ZNF738: variants seen among roughly 807,000 people sequenced by gnomAD.
The protein encoded by ZNF738 is protein ZNF738.
ZNF738 carries 10 observed loss-of-function variants against 9.2 expected under a neutral mutation model. The ratio of observed to expected loss-of-function variants is 1.09; its 90% CI spans 0.67 to 1.85. ZNF738 has a LOEUF of 1.85. Among genes scored for constraint, ZNF738 ranks in the 40% most tolerant of loss-of-function variants. ZNF738 has a pLI of 0.00. For missense variants in ZNF738, 346 were observed against 283.6 expected (o/e 1.22, Z -1.58); for synonymous variants, 113 against 94.5 (o/e 1.20, Z -1.14).
At chr19:21,374,397 AC>A (rs1973898941) in intron 2 of ZNF738, among the ~76,000 whole-genome samples, 1 of 152,204 alleles carries the variant, frequency 6.6e-6, no homozygotes, top group East Asian at 1.9e-4. Context: ...TTCAGACTAT[AC>A]TTTTTGGGGG....
At chr19:21,363,763 C>G (rs1044037146) in intron 2 of ZNF738, among the ~76,000 whole-genome samples, 2 of 150,810 alleles carry the variant, frequency 1.3e-5, no homozygotes, top group Non-Finnish European at 2.9e-5. Context: ...GTGATGGGTG[C>G]CTATAATCCA....
chr19:21,361,723 A>C (rs963608360), intron 1 of ZNF738, 43 bp from the exon 2 acceptor site: 1 of 776,684 alleles, frequency 1.3e-6, no homozygotes, highest in Non-Finnish European at 2.4e-6. Context: ...TGTCAGCTAG[A>C]GTGTCTAGTG....
intron 4 of ZNF738, among the ~76,000 whole-genome samples, chr19:21,382,427 C>T (rs1179192748): frequency 5.3e-5 from 8 of 151,736 alleles, no homozygotes; most frequent in South Asian, 2.1e-4. Flanking sequence ...GTAGTAGAGA[C>T]GGAGTTTCAC....
At chr19:21,359,195 C>T (rs1207806890) in intron 1 of ZNF738, 52 bp downstream of exon 1, 3 of 1,048,372 alleles carry the variant, frequency 2.9e-6, no homozygotes, top group Non-Finnish European at 4.5e-6. Flanking sequence ...TGGTTGGAAC[C>T]GGTGGGAAGT....
rs1317449055 is a variant in ZNF738 at position 21,386,860 on chromosome 19, A to G, written c.*3186A>G. The G allele has an allele frequency of 6.4e-6, 1 of 157,452 alleles. No homozygotes were observed. Among genetic ancestry groups the G allele is most frequent in the East Asian group, 1.9e-4 (1 of 5,310 alleles). The allele number at this position is 157,452 out of a possible 1,614,324, so 9.8% of individuals were successfully genotyped here. ...GTAGCTGGGATTACAGGCATGCACC[A>G]CTATACCCATCTAATTTTGTATGTT... On this transcript the variant is annotated 3_prime_UTR_variant, in exon 5 of 5. Coordinates refer to ENST00000683779, the MANE Select transcript of ZNF738 (RefSeq NM_001355237.2).
At chr19:21,382,233 A>G (rs1401842520) in intron 4 of ZNF738, among the ~76,000 whole-genome samples, 1 of 144,704 alleles carries the variant, frequency 6.9e-6, no homozygotes, top group Non-Finnish European at 1.5e-5. Context: ...CCCGGCTGGC[A>G]ATTTACTTCT....
chr19:21,384,177 T>C lies in ZNF738; in HGVS notation c.*503T>C, dbSNP rs868232691. ...AGAGAAACGCTACAAATGTGAGGAATGTGGCAAAGCTTTTAACTGGTACTC... is the reference window on the plus strand; with the variant it reads ...AGAGAAACGCTACAAATGTGAGGAACGTGGCAAAGCTTTTAACTGGTACTC... On this transcript the variant is annotated 3_prime_UTR_variant, in exon 5 of 5. Coordinates refer to ENST00000683779, the MANE Select transcript of ZNF738 (RefSeq NM_001355237.2). The C allele has an allele frequency of 7.0e-7, 1 of 1,435,578 alleles. No homozygotes were observed. The highest frequency in any genetic ancestry group is 9.8e-7 in the Non-Finnish European group (1 of 1,023,264). 88.9% of individuals were successfully genotyped at this position (1,435,578 alleles called of 1,614,324 possible).
chr19:21,378,810 G>C (rs1182081474), intron 4 of ZNF738: 1 of 183,994 alleles, frequency 5.4e-6, no homozygotes, highest in African/African-American at 2.4e-5. Context: ...TGTTGGTCAG[G>C]CTAGTCTCGA....
intron 4 of ZNF738, chr19:21,379,445 G>A (rs1973979818): frequency 6.6e-6 from 1 of 152,086 alleles, no homozygotes; most frequent in Non-Finnish European, 1.5e-5. Flanking sequence ...TTATTTTTTA[G>A]TTAAAGGAAA....
intron 2 of ZNF738, among the ~76,000 whole-genome samples, chr19:21,370,583 G>A (rs1284455006): frequency 6.6e-6 from 1 of 151,912 alleles, no homozygotes; most frequent in Non-Finnish European, 1.5e-5. Context: ...GTATATTCAG[G>A]GATTCAATTT....
At chr19:21,360,482 C>CT (rs1275274975) in intron 1 of ZNF738, 1 of 152,772 alleles carries the variant, frequency 6.5e-6, no homozygotes, top group Non-Finnish European at 1.5e-5. Flanking sequence ...GAGATGGAGT[C>CT]TCGCTCTGTC....
chr19:21,362,700 C>A (rs1442276005), intron 2 of ZNF738, among the ~76,000 whole-genome samples: 1 of 152,066 alleles, frequency 6.6e-6, no homozygotes, highest in Non-Finnish European at 1.5e-5. Flanking sequence ...ACGTGGGATT[C>A]AAAAAAATTA....
chr19:21,380,340 C>T (rs1213000660), intron 4 of ZNF738, among the ~76,000 whole-genome samples: 1 of 152,090 alleles, frequency 6.6e-6, no homozygotes, highest in Non-Finnish European at 1.5e-5. Flanking sequence ...GAAGTCAGAC[C>T]ATTTGCCTTC....
chr19:21,383,200 C>A lies in ZNF738; in HGVS notation c.654C>A (p.His218Gln). 7 of 1,598,938 alleles carry A rather than the reference C, an allele frequency of 4.4e-6. No individual in the cohort carries two copies. Among genetic ancestry groups the A allele is most frequent in the Non-Finnish European group, 6.0e-6 (7 of 1,167,750 alleles). ...KCGKSFCMLL[H>Q]LGQHKIIHIR... ...GCAAATCATTTTGCATGCTTTTACA[C>A]CTAGGTCAACATAAAATAATTCATA... Residue 218 changes from histidine (H) to glutamine (Q), a missense_variant, in exon 5 of 5, where the codon CAC becomes CAA. Physicochemically the swap from His to Gln is conservative, Grantham distance 24. Transcript: ENST00000683779.
At chr19:21,368,424 T>G (rs1241611190) in intron 2 of ZNF738, among the ~76,000 whole-genome samples, 1 of 152,156 alleles carries the variant, frequency 6.6e-6, no homozygotes, top group African/African-American at 2.4e-5. Flanking sequence ...AATCTTGGTG[T>G]TTTTTGTTTG....
At chr19:21,378,556 G>A (rs1245201628) in intron 4 of ZNF738, 1 of 273,120 alleles carries the variant, frequency 3.7e-6, no homozygotes, top group African/African-American at 2.4e-5. Flanking sequence ...AAAAATTTTT[G>A]TTGAGAATCC....
At chr19:21,377,551 C>T in intron 4 of ZNF738, 1 of 538,976 alleles carries the variant, frequency 1.9e-6, no homozygotes. Context: ...GTCATAGGTT[C>T]CCAGTTAATA....
intron 3 of ZNF738, 125 bp from the exon 4 acceptor site, chr19:21,375,744 A>C (rs1973918969): frequency 2.0e-6 from 1 of 492,074 alleles, no homozygotes; most frequent in Non-Finnish European, 3.7e-6. Flanking sequence ...ACTTTCTGTC[A>C]TTAAATAGTA....
intron 2 of ZNF738, among the ~76,000 whole-genome samples, chr19:21,367,201 CT>C (rs1279866106): frequency 3.9e-5 from 6 of 152,208 alleles, no homozygotes. Flanking sequence ...TGTGTTTCAT[CT>C]TTCTACATCT....
Sources: allele counts gnomAD v4.1 joint callset (sites outside exome capture counted in the v4.1 genomes callset), GRCh38; gene constraint gnomAD v4.1.1; transcripts MANE v1.5; gene names NCBI Gene and HGNC (gene_info 2026-07-23, HGNC 2026-07-21).